The following RFX2 variants were observed in gnomAD, a reference collection of about 807,000 sequenced individuals.
RFX2 encodes the protein DNA-binding protein RFX2.
RFX2 carries 20 observed loss-of-function variants against 87.8 expected under a neutral mutation model. That is an observed-to-expected ratio of 0.23 (90% CI 0.16 to 0.33). The LOEUF (loss-of-function observed/expected upper bound fraction) is 0.33, where lower values mean the gene tolerates loss of function less well. Among genes scored for constraint, RFX2 ranks in the 10% least tolerant of loss-of-function variants. The probability of loss-of-function intolerance (pLI) is 1.00; values close to 1 mark genes in which losing one functional copy is unlikely to be tolerated. For synonymous variants in RFX2, 397 were observed against 431.3 expected, an observed-to-expected ratio of 0.92 and a Z score of 0.98; for missense variants, 767 against 1,012.3, an observed-to-expected ratio of 0.76 and a Z score of 3.29.
At chr19:6,088,883 G>A (rs1265897553) in intron 1 of RFX2, among the ~76,000 whole-genome samples, 2 of 152,198 alleles carry the variant, frequency 1.3e-5, no homozygotes, top group East Asian at 1.9e-4. Flanking sequence ...CCATTGTAGG[G>A]TGAAATGACT....
chr19:6,037,049 C>T (rs1380533611), intron 5 of RFX2, among the ~76,000 whole-genome samples: 1 of 152,046 alleles, frequency 6.6e-6, no homozygotes, highest in South Asian at 2.1e-4. Context: ...CTTTGGGAGG[C>T]CGAGGCAGGC....
intron 1 of RFX2, chr19:6,109,516 C>T (rs2088272966): frequency 6.6e-6 from 1 of 152,252 alleles, no homozygotes; most frequent in Admixed American, 6.5e-5. Flanking sequence ...AGGGGTGCCC[C>T]CAAATTCAGT....
At chr19:6,098,001 A>C (rs2144898113) in intron 1 of RFX2, among the ~76,000 whole-genome samples, 1 of 152,032 alleles carries the variant, frequency 6.6e-6, no homozygotes, top group South Asian at 2.1e-4. Context: ...CCAACGTAAC[A>C]CTCTCTGCTG....
intron 1 of RFX2, chr19:6,068,467 T>C (rs1168967933): frequency 1.3e-5 from 2 of 152,156 alleles, no homozygotes; most frequent in Non-Finnish European, 2.9e-5. Context: ...CTATATCATA[T>C]GGTGACAAGT....
chr19:6,093,944 G>A (rs1568194630), intron 1 of RFX2, among the ~76,000 whole-genome samples: 1 of 152,142 alleles, frequency 6.6e-6, no homozygotes, highest in Admixed American at 6.5e-5. Flanking sequence ...GGGGAAGGGA[G>A]GTGGGGAGTG....
At chr19:6,081,813 C>T (rs894968368) in intron 1 of RFX2, among the ~76,000 whole-genome samples, 3 of 152,194 alleles carry the variant, frequency 2.0e-5, no homozygotes, top group Non-Finnish European at 2.9e-5. Context: ...ATTGGCCGGG[C>T]GCGTTGGCTC....
At position 6,040,447 on chromosome 19, in the gene RFX2, C is replaced by A. The variant is rs1387813624; in HGVS notation, c.261-206G>T. Among the ~76,000 whole-genome samples the A allele has an allele frequency of 6.6e-6, 1 of 152,198 alleles. No homozygotes were observed. Among genetic ancestry groups the A allele is most frequent in the Non-Finnish European group, 1.5e-5 (1 of 68,048 alleles). ...CAAAATCTTTAGGACCACAGGCTGA[C>A]TTATCAAAAAGTGACCACTTAAAAA... is the stretch of plus-strand genomic sequence containing the variant. On this transcript the variant is annotated intron_variant, in intron 4 of 17. Coordinates refer to ENST00000303657, the MANE Select transcript of RFX2 (RefSeq NM_000635.4). The surrounding 1 kb of genome is among the most constrained non-coding windows in gnomAD (Gnocchi z 6.1).
chr19:6,055,959 A>G (rs1185037052), intron 1 of RFX2, among the ~76,000 whole-genome samples: 1 of 152,162 alleles, frequency 6.6e-6, no homozygotes, highest in Non-Finnish European at 1.5e-5. Context: ...GTTGAGTCCA[A>G]AAGAGTAGAT....
At chr19:6,091,712 C>T (rs1460438883) in intron 1 of RFX2, among the ~76,000 whole-genome samples, 1 of 152,162 alleles carries the variant, frequency 6.6e-6, no homozygotes, top group Admixed American at 6.5e-5. Flanking sequence ...GGACACGATC[C>T]CTAACAGACT....
In RFX2 at chr19:6,001,592, T is replaced by C. The variant is rs2086490098; in HGVS notation, c.1859+223A>G. On this transcript the variant is annotated intron_variant, in intron 15 of 17. Coordinates refer to ENST00000303657, the MANE Select transcript of RFX2 (RefSeq NM_000635.4). This position sits in a 1 kb window ranked among gnomAD's most constrained non-coding sequence, Gnocchi z 5.6. ...GATTTCTGTCTGCAGAACTTGCAACTTAGTATTTAGGCCACGGTGGCCTTC... is the reference window on the plus strand; with the variant it reads ...GATTTCTGTCTGCAGAACTTGCAACCTAGTATTTAGGCCACGGTGGCCTTC... 2.0e-5 allele frequency among the ~76,000 whole-genome samples: 3 copies of C among 152,178 alleles called. No individual in the cohort carries two copies. The South Asian group carries it at 6.2e-4, about 32-fold the overall frequency.
chr19:6,028,305 T>C (rs1311449200), intron 5 of RFX2, among the ~76,000 whole-genome samples: 1 of 152,110 alleles, frequency 6.6e-6, no homozygotes, highest in East Asian at 1.9e-4. Flanking sequence ...ACACATCTAC[T>C]TCTGTATCTC....
At chr19:5,995,921 G>A (rs1180970161) in intron 16 of RFX2, among the ~76,000 whole-genome samples, 2 of 152,198 alleles carry the variant, frequency 1.3e-5, no homozygotes, top group Non-Finnish European at 2.9e-5. Context: ...CCCTGGGTGC[G>A]GCTGCTCCGG....
In RFX2 at chr19:6,021,842, G is replaced by C. The variant is rs1038997197; in HGVS notation, c.597+4321C>G. ...CCTGGGTTTTAGCAGGATCACTCTGGTGGCTGCTGTGAGAAGGGGCTGGAG... is the reference window on the plus strand; with the variant it reads ...CCTGGGTTTTAGCAGGATCACTCTGCTGGCTGCTGTGAGAAGGGGCTGGAG... On this transcript the variant is annotated intron_variant, in intron 6 of 17. Coordinates refer to ENST00000303657, the MANE Select transcript of RFX2 (RefSeq NM_000635.4). The surrounding 1 kb of genome is among the most constrained non-coding windows in gnomAD (Gnocchi z 5.7). Among the ~76,000 whole-genome samples the C allele has an allele frequency of 6.6e-6, 1 of 152,212 alleles. No individual in the cohort carries two copies. Among genetic ancestry groups the C allele is most frequent in the Non-Finnish European group, 1.5e-5 (1 of 68,030 alleles).
intron 1 of RFX2, among the ~76,000 whole-genome samples, chr19:6,082,249 G>A (rs917007844): frequency 6.1e-5 from 9 of 146,350 alleles, no homozygotes; most frequent in Admixed American, 4.1e-4. Flanking sequence ...AGCTGAGATC[G>A]TTCCATTGCA....
At chr19:6,006,979 G>A (rs1210850749) in intron 12 of RFX2, 33 bp downstream of exon 12, 12 of 1,609,916 alleles carry the variant, frequency 7.5e-6, no homozygotes, top group Non-Finnish European at 1.0e-5. Flanking sequence ...AGAGAGGATG[G>A]AGCAGCGCCG....
rs986084104 is a variant in RFX2, at chr19:6,012,902, T to C, written c.899+84A>G. On this transcript the variant is annotated intron_variant, in intron 8 of 17. Coordinates refer to ENST00000303657, the MANE Select transcript of RFX2 (RefSeq NM_000635.4). The surrounding 1 kb of genome is among the most constrained non-coding windows in gnomAD (Gnocchi z 4.6). ...GATGCTGGAGACTGGGGAGTTATGA[T>C]GAGTTTGTTTCGTGTTGGAGAAACA... The C allele has an allele frequency of 3.8e-6, 5 of 1,303,924 alleles. No individual in the cohort carries two copies. The highest frequency in any genetic ancestry group is 5.0e-6 in the Non-Finnish European group (5 of 1,004,356). 80.8% of individuals were successfully genotyped at this position (1,303,924 alleles called of 1,614,324 possible). A position where few individuals can be genotyped will look rare whatever the true frequency, so the allele number is the denominator to read the frequency against.
In RFX2 at chr19:6,039,211, A is replaced by G. The variant is rs2087067218; in HGVS notation, c.522+769T>C. 2.6e-5 allele frequency among the ~76,000 whole-genome samples: 4 copies of G among 152,206 alleles called. No individual in the cohort carries two copies. Among genetic ancestry groups the G allele is most frequent in the Admixed American group, 2.6e-4 (4 of 15,278 alleles). Reference sequence around the variant, plus strand: ...AATGAGTAAAAGAAGCCTGTCTGAAAAGGTCACAATCTGTACGATTCCATT... The same window carrying G: ...AATGAGTAAAAGAAGCCTGTCTGAAGAGGTCACAATCTGTACGATTCCATT... On this transcript the variant is annotated intron_variant, in intron 5 of 17. Coordinates refer to ENST00000303657, the MANE Select transcript of RFX2 (RefSeq NM_000635.4). This position sits in a 1 kb window ranked among gnomAD's most constrained non-coding sequence, Gnocchi z 5.2.
chr19:6,043,497 A>G (rs1397610216), intron 3 of RFX2, among the ~76,000 whole-genome samples: 1 of 152,282 alleles, frequency 6.6e-6, no homozygotes, highest in Non-Finnish European at 1.5e-5. Context: ...TGCAGGGCAC[A>G]GTTGGCAAAC....
rs1449261536 is a variant in RFX2 at position 5,997,253 on chromosome 19, G to A, written c.1860-40C>T. The A allele has an allele frequency of 6.3e-7, 1 of 1,579,492 alleles. No homozygotes were observed. The stretch of plus-strand genomic sequence containing the variant: ...ACAGAGGCTGGGGACCCTCAGGGGA[G>A]CATGGAACCCGGGCCCCAGGCCAGA... On this transcript the variant is annotated intron_variant, in intron 15 of 17. Coordinates refer to ENST00000303657, the MANE Select transcript of RFX2 (RefSeq NM_000635.4). This position sits in a 1 kb window ranked among gnomAD's most constrained non-coding sequence, Gnocchi z 4.2.
Sources: gnomAD v4.1 joint callset for allele counts (sites outside exome capture counted in the v4.1 genomes callset) on GRCh38, gnomAD v4.1.1 for gene constraint, Gnocchi (gnomAD v3.1) non-coding constraint, MANE v1.5 for transcripts, NCBI Gene and HGNC (gene_info 2026-07-23, HGNC 2026-07-21) for gene names.